The following CD47 variants were observed in gnomAD, a reference collection of about 807,000 sequenced individuals.
CD47 encodes the protein leukocyte surface antigen CD47.
Under a neutral mutation model 44.6 loss-of-function variants are expected in CD47, and 11 were observed. That is an observed-to-expected ratio of 0.25 (90% CI 0.16 to 0.41). CD47 has a LOEUF of 0.41. Among genes scored for constraint, CD47 ranks in the 10% least tolerant of loss-of-function variants. The pLI, the probability that CD47 is intolerant of heterozygous loss-of-function variation, is 1.00. For missense variants in CD47, 306 were observed against 386.7 expected, an observed-to-expected ratio of 0.79 and a Z score of 1.75; for synonymous variants, 140 against 136.3, an observed-to-expected ratio of 1.03 and a Z score of -0.19.
chr3:108,079,157 T>C (rs1225927068), intron 2 of CD47, among the ~76,000 whole-genome samples: 1 of 151,928 alleles, frequency 6.6e-6, no homozygotes, highest in Non-Finnish European at 1.5e-5. Context: ...GTTCTCAAAA[T>C]GTGGTTAAGC....
At chr3:108,057,707 C>T in intron 6 of CD47, 138 bp from the exon 7 acceptor site, 3 of 500,550 alleles carry the variant, frequency 6.0e-6, no homozygotes, top group South Asian at 5.2e-5. Flanking sequence ...ATTAACTTAA[C>T]CAGTAAAATG....
chr3:108,065,811 C>CAAAAAAAAAAAAAAA (rs58021560), intron 3 of CD47, among the ~76,000 whole-genome samples: 4 of 61,166 alleles, frequency 6.5e-5, no homozygotes, highest in Non-Finnish European at 8.8e-5. Context: ...GACTCCGTCT[C>CAAAAAAAAAAAAAAA]AAAAAAAAAA....
At chr3:108,052,080 A>G (rs1043346326) in intron 7 of CD47, 110 bp from the exon 8 acceptor site, 8 of 581,004 alleles carry the variant, frequency 1.4e-5, no homozygotes, top group Admixed American at 9.1e-5. Context: ...TAAAGGTGCC[A>G]GAGATGTTAA....
Position 108,049,660 on chromosome 3 carries a change from A to G in CD47, c.935-9T>C. On this transcript the variant is annotated splice_polypyrimidine_tract_variant and intron_variant, in intron 9 of 10. Coordinates refer to ENST00000361309, the MANE Select transcript of CD47 (RefSeq NM_001777.4). ...TTTTGATTCTTTGAATGCTAGGATT[A>G]GTAACAAGCCAAGCAGGCAGTTAGT... 1.9e-6 allele frequency: 3 copies of G among 1,599,892 alleles called. No homozygotes were observed. The highest frequency in any genetic ancestry group is 2.6e-6 in the Non-Finnish European group (3 of 1,167,148).
intron 2 of CD47, among the ~76,000 whole-genome samples, chr3:108,073,651 G>C (rs1241213135): frequency 2.0e-5 from 3 of 150,510 alleles, no homozygotes; most frequent in South Asian, 2.1e-4. Flanking sequence ...AGACCATGTA[G>C]AGTCTTAAAA....
At chr3:108,063,818 A>T (rs967782477) in intron 3 of CD47, among the ~76,000 whole-genome samples, 1 of 152,222 alleles carries the variant, frequency 6.6e-6, no homozygotes, top group African/African-American at 2.4e-5. Context: ...AGCTACAACT[A>T]CTGAAATCAA....
chr3:108,084,221 C>T (rs2079473732), intron 1 of CD47, among the ~76,000 whole-genome samples: 1 of 152,012 alleles, frequency 6.6e-6, no homozygotes, highest in South Asian at 2.1e-4. Flanking sequence ...TTCTTCATTA[C>T]TACAGCTCTT....
At chr3:108,089,426 T>TA (rs2079585027) in intron 1 of CD47, among the ~76,000 whole-genome samples, 1 of 152,220 alleles carries the variant, frequency 6.6e-6, no homozygotes, top group African/African-American at 2.4e-5. Context: ...CTACCTGTTT[T>TA]AAAAATAGTA....
intron 3 of CD47, among the ~76,000 whole-genome samples, chr3:108,065,538 C>A (rs2079088880): frequency 6.6e-6 from 1 of 152,100 alleles, no homozygotes; most frequent in South Asian, 2.1e-4. Flanking sequence ...AGGGGCCATG[C>A]ATGGTGGCTA....
At chr3:108,088,779 TG>T (rs2079571528) in intron 1 of CD47, among the ~76,000 whole-genome samples, 2 of 152,288 alleles carry the variant, frequency 1.3e-5, no homozygotes, top group African/African-American at 4.8e-5. Context: ...TGTACATGAG[TG>T]GGGGCAGAGT....
At chr3:108,065,467 A>G (rs2079087037) in intron 3 of CD47, among the ~76,000 whole-genome samples, 1 of 152,180 alleles carries the variant, frequency 6.6e-6, no homozygotes, top group South Asian at 2.1e-4. Context: ...TGTGATCATT[A>G]TATGGACAGG....
At chr3:108,060,705 T>C (rs1237840469) in intron 4 of CD47, 40 bp downstream of exon 4, 20 of 1,345,508 alleles carry the variant, frequency 1.5e-5, no homozygotes, top group Non-Finnish European at 2.0e-5. Flanking sequence ...AATGCACTCA[T>C]CTACCTCCTG....
chr3:108,063,551 A>G (rs763764403), intron 3 of CD47, among the ~76,000 whole-genome samples: 3 of 152,228 alleles, frequency 2.0e-5, no homozygotes, highest in Non-Finnish European at 4.4e-5. Context: ...ATAGAACCCA[A>G]TAACCTCAAG....
chr3:108,050,383 C>T (rs696364), intron 9 of CD47, among the ~76,000 whole-genome samples, 195 bp downstream of exon 9: 58,134 of 151,826 alleles, frequency 0.38, 11,829 homozygotes, highest in Non-Finnish European at 0.46. Flanking sequence ...CCCAAGGTGC[C>T]GGGATCGCAA....
At chr3:108,062,005 A>G (rs1261036881) in intron 3 of CD47, among the ~76,000 whole-genome samples, 1 of 152,170 alleles carries the variant, frequency 6.6e-6, no homozygotes, top group Non-Finnish European at 1.5e-5. Flanking sequence ...ATATTTCTGG[A>G]ATTTCTATCT....
intron 3 of CD47, among the ~76,000 whole-genome samples, chr3:108,062,979 A>C (rs749485528): frequency 7.9e-5 from 12 of 152,042 alleles, no homozygotes; most frequent in Non-Finnish European, 1.8e-4. Context: ...AACAAAAATA[A>C]GAGTTTGAAT....
rs185810649 is a variant in CD47 at position 108,074,599 on chromosome 3, C to T, written c.401-3417G>A. On this transcript the variant is annotated intron_variant, in intron 2 of 10. Transcript: ENST00000361309. ...AAAGTGCTGGTATTACAGGCGTGGG[C>T]TGCCACACCTGGCCTGTCTAAGTGA... is the stretch of plus-strand genomic sequence containing the variant. 2.6e-5 allele frequency among the ~76,000 whole-genome samples: 4 copies of T among 151,900 alleles called. No individual in the cohort carries two copies. The East Asian group carries it at 7.8e-4, about 29-fold the overall frequency.
chr3:108,047,663 G>A (rs1442099117), intron 10 of CD47, among the ~76,000 whole-genome samples: 5 of 152,214 alleles, frequency 3.3e-5, no homozygotes, highest in African/African-American at 1.2e-4. Context: ...CTGATCAGCT[G>A]TAGATGAAAG....
At chr3:108,084,244 A>G (rs2079474161) in intron 1 of CD47, among the ~76,000 whole-genome samples, 1 of 151,884 alleles carries the variant, frequency 6.6e-6, no homozygotes, top group Non-Finnish European at 1.5e-5. Flanking sequence ...CAAAGTCACC[A>G]CCAATCCCTT....
Sources: gnomAD v4.1 joint callset for allele counts (sites outside exome capture counted in the v4.1 genomes callset) on GRCh38, gnomAD v4.1.1 for gene constraint, MANE v1.5 for transcripts, NCBI Gene and HGNC (gene_info 2026-07-23, HGNC 2026-07-21) for gene names.